Variants in FKBP11 observed in about 807,000 individuals in gnomAD.
The protein encoded by FKBP11 is peptidyl-prolyl cis-trans isomerase FKBP11.
Under a neutral mutation model 24.7 loss-of-function variants are expected in FKBP11, and 21 were observed. The observed-to-expected ratio is 0.85, with a 90% CI of 0.60 to 1.23. FKBP11 has a LOEUF of 1.23. FKBP11 is among the 50% of genes most tolerant of loss of function. The pLI, the probability that FKBP11 is intolerant of heterozygous loss-of-function variation, is 0.00. For synonymous variants in FKBP11, 106 were observed against 100.6 expected, an observed-to-expected ratio of 1.05 and a Z score of -0.32; for missense variants, 245 against 248.7, an observed-to-expected ratio of 0.99 and a Z score of 0.10.
chr12:48,924,084 G>A (rs1939898122), intron 4 of FKBP11, 139 bp downstream of exon 4: 4 of 1,036,316 alleles, frequency 3.9e-6, no homozygotes, highest in East Asian at 5.0e-5. Flanking sequence ...TGCCCTCAGA[G>A]GTCCCACTGA....
intron 5 of FKBP11, chr12:48,923,349 TG>T: frequency 2.8e-6 from 4 of 1,430,914 alleles, no homozygotes; most frequent in Non-Finnish European, 3.6e-6. Flanking sequence ...AGTTGCTTTT[TG>T]TTTTGTTTTG....
rs1939912552 is a variant in FKBP11, at chr12:48,924,634, A to G, written c.210T>C (p.Asp70=). The G allele has an allele frequency of 1.2e-6, 2 of 1,614,036 alleles. No homozygotes were observed. Among genetic ancestry groups the G allele is most frequent in the Non-Finnish European group, 8.5e-7 (1 of 1,179,944 alleles). ...LHIHYTGSLV[D]GRIIDTSLTR... is the part of the protein sequence containing the mutation. ...TCAGGGAGGTGTCAATAATACGTCC[A>G]TCTACCAAGCTTCCCTGGGGGGAGA... is the stretch of plus-strand genomic sequence containing the variant. The change falls in exon 3 of 6, where the codon GAT becomes GAC. Residue 70 remains aspartate, a synonymous_variant. Coordinates refer to ENST00000550765, the MANE Select transcript of FKBP11 (RefSeq NM_016594.3).
At chr12:48,928,569 T>A (rs1940009966), upstream of FKBP11, among the ~76,000 whole-genome samples, 1 of 152,112 alleles carries the variant, frequency 6.6e-6, no homozygotes, top group African/African-American at 2.4e-5. Context: ...AGCCTCCACC[T>A]CCCAGGTTCA....
In FKBP11 at chr12:48,925,035, AG is replaced by A; in HGVS notation, c.195+10del. ...CTCCCAGGCCCCGCCCCGGCCCCCC[AG>A]ACCCCTCACCGTGTAGTGTATGTGA... On this transcript the variant is annotated intron_variant, in intron 2 of 5. Transcript: ENST00000550765. 2 of 860,974 alleles carry A rather than the reference AG, an allele frequency of 2.3e-6. No individual in the cohort carries two copies. The highest frequency in any genetic ancestry group is 3.5e-6 in the Non-Finnish European group (2 of 565,078). The allele number at this position is 860,974 out of a possible 1,614,324, so 53.3% of individuals were successfully genotyped here. A position where few individuals can be genotyped will look rare whatever the true frequency, so the allele number is the denominator to read the frequency against.
In FKBP11 at chr12:48,925,362, A is replaced by G. The variant is rs1295943623; in HGVS notation, c.67T>C (p.Cys23Arg). The G allele has an allele frequency of 2.5e-6, 4 of 1,605,694 alleles. No individual in the cohort carries two copies. The highest frequency in any genetic ancestry group is 2.2e-5 in the East Asian group (1 of 44,668). The change falls in exon 1 of 6, where the codon TGC becomes CGC. Residue 23 changes from cysteine to arginine, a missense_variant. Physicochemically the swap from Cys to Arg is radical, Grantham distance 180. Coordinates refer to ENST00000550765, the MANE Select transcript of FKBP11 (RefSeq NM_016594.3). ...LLLLLLSAAVCRAEAGLETES... is the reference protein window; with the variant it reads ...LLLLLLSAAVRRAEAGLETES... Reference sequence around the variant, plus strand: ...GTTTCGAGCCCAGCCTCAGCCCGGCACACCGCCGCACTGAGCAGCAGCAGC... The same window carrying G: ...GTTTCGAGCCCAGCCTCAGCCCGGCGCACCGCCGCACTGAGCAGCAGCAGC...
intron 2 of FKBP11, 131 bp downstream of exon 2, chr12:48,924,915 C>A: frequency 4.9e-6 from 7 of 1,437,096 alleles, no homozygotes; most frequent in Non-Finnish European, 6.4e-6. Context: ...CCCCTCGCCA[C>A]GTGCTCGACG....
chr12:48,925,021 C>G, intron 2 of FKBP11, 25 bp downstream of exon 2: 1 of 1,590,100 alleles, frequency 6.3e-7, no homozygotes, highest in Non-Finnish European at 8.6e-7. Flanking sequence ...TCCCAGGCCC[C>G]GCCCCGGCCC....
At position 48,924,857 on chromosome 12, in the gene FKBP11, T is replaced by C. The variant is rs1939922474; in HGVS notation, c.195+189A>G. 19 of 1,443,344 alleles carry C rather than the reference T, an allele frequency of 1.3e-5. No homozygotes were observed. In the South Asian group the frequency reaches 2.8e-4, roughly 21 times the overall value. 89.4% of individuals were successfully genotyped at this position (1,443,344 alleles called of 1,614,324 possible). A position where few individuals can be genotyped will look rare whatever the true frequency, so the allele number is the denominator to read the frequency against. The stretch of plus-strand genomic sequence containing the variant: ...GCACTTCTCCGTGCCAGGTAGGAAC[T>C]GGCAGAAAAGCAAGGAGGGAAAAGA... On this transcript the variant is annotated intron_variant, in intron 2 of 5. Transcript: ENST00000550765.
In FKBP11 at chr12:48,924,091, C is replaced by T. The variant is rs938659045; in HGVS notation, c.317+132G>A. The T allele has an allele frequency of 3.6e-6, 4 of 1,124,192 alleles. No individual in the cohort carries two copies. In the African/African-American group the frequency reaches 6.1e-5, roughly 17 times the overall value. The allele number at this position is 1,124,192 out of a possible 1,614,324, so 69.6% of individuals were successfully genotyped here. On this transcript the variant is annotated intron_variant, in intron 4 of 5. Transcript: ENST00000550765. ...GCTTTGAATGCCCTCAGAGGTCCCA[C>T]TGACCTGGACCTGTCCAGTGGGAAG...
chr12:48,932,784 G>C, the FKBP11 span, among the ~76,000 whole-genome samples: 2 of 152,154 alleles, frequency 1.3e-5, no homozygotes, highest in Non-Finnish European at 2.9e-5. Flanking sequence ...GTGGAAGTGG[G>C]GGGAAGCAGG....
the FKBP11 span, among the ~76,000 whole-genome samples, chr12:48,932,177 AT>A: frequency 7.2e-6 from 1 of 138,068 alleles, no homozygotes; most frequent in African/African-American, 2.7e-5. Flanking sequence ...AAATATATAT[AT>A]ATATATAATA....
chr12:48,934,455 T>C, the FKBP11 span, among the ~76,000 whole-genome samples: 4 of 152,196 alleles, frequency 2.6e-5, no homozygotes, highest in Non-Finnish European at 1.5e-5. Context: ...GCTAAGTATC[T>C]ACCTCCCAGG....
At chr12:48,927,373 A>T (rs1939992010), upstream of FKBP11, among the ~76,000 whole-genome samples, 1 of 152,002 alleles carries the variant, frequency 6.6e-6, no homozygotes. Context: ...CCTCAGCAGG[A>T]GGGAATTTCT....
chr12:48,935,875 G>A, the FKBP11 span: 1 of 152,248 alleles, frequency 6.6e-6, no homozygotes, highest in African/African-American at 2.4e-5. Context: ...CCTTCAGCCA[G>A]TGAAGTCCAT....
chr12:48,931,465 T>C, upstream of FKBP11: 1 of 1,535,982 alleles, frequency 6.5e-7, no homozygotes, highest in Non-Finnish European at 8.7e-7. Context: ...GCTTTTTCCT[T>C]GGATCAAGTT....
At chr12:48,923,482 A>C in intron 5 of FKBP11, 1 of 1,550,090 alleles carries the variant, frequency 6.5e-7, no homozygotes, top group Non-Finnish European at 8.7e-7. Flanking sequence ...AAAGAAGTCC[A>C]GTGTTCTGGG....
rs561370191 is a variant in FKBP11 at position 48,924,596 on chromosome 12, A to G, written c.248T>C (p.Leu83Pro). ...IIDTSLTRDP[L>P]VIELGQKQVI... ...CTGCTTTTGGCCAAGTTCTATAACC[A>G]GAGGGTCTCTGGTCAGGGAGGTGTC... The change falls in exon 3 of 6, where the codon CTG becomes CCG. Residue 83 changes from leucine to proline, a missense_variant. Leu to Pro is a moderately conservative substitution (Grantham distance 98). Transcript: ENST00000550765. 35 of 1,614,088 alleles carry G rather than the reference A, an allele frequency of 2.2e-5. No homozygotes were observed. The South Asian group carries it at 3.0e-4, about 14-fold the overall frequency.
At chr12:48,927,696 C>G (rs1430542265), upstream of FKBP11, among the ~76,000 whole-genome samples, 2 of 152,168 alleles carry the variant, frequency 1.3e-5, no homozygotes, top group Non-Finnish European at 1.5e-5. Flanking sequence ...CTCTCTCCCC[C>G]TAATCATCTT....
At chr12:48,925,250 C>A (rs776223377) in intron 1 of FKBP11, 50 bp downstream of exon 1, 3 of 1,601,252 alleles carry the variant, frequency 1.9e-6, no homozygotes, top group Non-Finnish European at 1.7e-6. Flanking sequence ...AGTATTACCA[C>A]CCAACAAGGC....
Sources: allele counts gnomAD v4.1 joint callset (sites outside exome capture counted in the v4.1 genomes callset), GRCh38; gene constraint gnomAD v4.1.1; transcripts MANE v1.5; gene names NCBI Gene and HGNC (gene_info 2026-07-23, HGNC 2026-07-21).